Variants in MELK observed in about 807,000 individuals in gnomAD.
MELK encodes pEg3 kinase.
Under a neutral mutation model 85.0 loss-of-function variants are expected in MELK, and 81 were observed. The observed-to-expected ratio is 0.95, with a 90% CI of 0.80 to 1.15. The LOEUF is 1.15. MELK is among the 50% of genes most tolerant of loss of function. The probability of loss-of-function intolerance (pLI) is 0.00; values close to 1 mark genes in which losing one functional copy is unlikely to be tolerated. For missense variants in MELK, 754 were observed against 777.5 expected (o/e 0.97, Z 0.36); for synonymous variants, 252 against 265.0 (o/e 0.95, Z 0.48).
In MELK at chr9:36,669,294, GT is replaced by G. The variant is rs781696362; in HGVS notation, c.1409-14del. ...TATGTGCTGCATATGGATTGTGTTT[GT>G]TCTGTTTCTAATAGCTAGAAACCAG... On this transcript the variant is annotated splice_polypyrimidine_tract_variant and intron_variant, in intron 14 of 17. Coordinates refer to ENST00000298048, the MANE Select transcript of MELK (RefSeq NM_014791.4). The G allele has an allele frequency of 6.4e-7, 1 of 1,552,904 alleles. No individual in the cohort carries two copies. Among genetic ancestry groups the G allele is most frequent in the Non-Finnish European group, 8.8e-7 (1 of 1,133,828 alleles).
chr9:36,592,172 CT>C (rs35073009), intron 4 of MELK, among the ~76,000 whole-genome samples: 132 of 117,290 alleles, frequency 1.1e-3, no homozygotes, highest in Admixed American at 3.3e-3. Context: ...CATTTCTTTT[CT>C]TTTTTTTTTT....
At position 36,589,571 on chromosome 9, in the gene MELK, CT is replaced by C. The variant is rs1412495556; in HGVS notation, c.182del (p.Leu61Ter). The C allele has an allele frequency of 3.7e-6, 6 of 1,613,898 alleles. No individual in the cohort carries two copies. The highest frequency in any genetic ancestry group is 5.1e-6 in the Non-Finnish European group (6 of 1,179,994). On this transcript the variant is annotated frameshift_variant, in exon 4 of 18. Transcript: ENST00000298048. LOFTEE classifies it high-confidence loss of function. ...LPRIKTEIEA[L>X]KNLRHQHICQ... ...CCCGGATCAAAACGGAGATTGAGGC[CT>C]TGAAGAACCTGAGACATCAGCATAT...
chr9:36,671,146 G>A lies in MELK; in HGVS notation c.1654G>A (p.Asp552Asn). 1 of 1,605,596 alleles carries A rather than the reference G, an allele frequency of 6.2e-7. No individual in the cohort carries two copies. Among genetic ancestry groups the A allele is most frequent in the Non-Finnish European group, 8.5e-7 (1 of 1,175,978 alleles). The part of the protein sequence containing the change: ...TRSKRKGSAR[D>N]GPRRLKLHYN... ...GAGCAAAAGGAAGGGTTCTGCCAGA[G>A]ACGGGCCCAGAAGACTAAAGGTAAG... The change falls in exon 16 of 18, where the codon GAC (aspartate) becomes AAC (asparagine). Residue 552 changes from aspartate (D) to asparagine (N), a missense_variant. Physicochemically the swap from Asp to Asn is conservative, Grantham distance 23. Transcript: ENST00000298048.
intron 1 of MELK, among the ~76,000 whole-genome samples, chr9:36,576,995 C>T (rs1821726396): frequency 6.6e-6 from 1 of 152,130 alleles, no homozygotes; most frequent in Admixed American, 6.6e-5. Context: ...TTTAAGAAGA[C>T]TACTCATCAT....
intron 4 of MELK, 51 bp downstream of exon 4, chr9:36,589,703 G>A (rs1823331251): frequency 7.6e-7 from 1 of 1,315,412 alleles, no homozygotes; most frequent in Non-Finnish European, 1.1e-6. Context: ...TTTATCAATA[G>A]TAAAAGAGAA....
rs774510229 is a variant in MELK at position 36,624,083 on chromosome 9, CTTTTTTT to C, written c.667-6204_667-6198del. Among the ~76,000 whole-genome samples, 12 of 132,932 alleles carry C rather than the reference CTTTTTTT, an allele frequency of 9.0e-5. No individual in the cohort carries two copies. In the East Asian group the frequency reaches 2.1e-3, roughly 24 times the overall value. The allele number at this position is 132,932 out of a possible 152,430, so 87.2% of individuals were successfully genotyped here. ...TGCAGTAGGTATCGTTATTATACTT[CTTTTTTT>C]TTTTTTTTTTTGAGATGGAGTCTCG... On this transcript the variant is annotated intron_variant, in intron 8 of 17. Coordinates refer to ENST00000298048, the MANE Select transcript of MELK (RefSeq NM_014791.4).
chr9:36,604,532 C>T (rs1234024850), intron 7 of MELK, among the ~76,000 whole-genome samples: 2 of 151,682 alleles, frequency 1.3e-5, no homozygotes, highest in Non-Finnish European at 2.9e-5. Context: ...AGTGGAAGGA[C>T]TGCTTGAGTC....
At chr9:36,582,514 T>TAC (rs10691970) in intron 2 of MELK, among the ~76,000 whole-genome samples, 34,492 of 151,916 alleles carry the variant, frequency 0.23, 6,322 homozygotes, top group African/African-American at 0.51. Flanking sequence ...TGGGACATTT[T>TAC]ACACACACAT....
At chr9:36,652,820 A>G (rs192467993) in intron 12 of MELK, among the ~76,000 whole-genome samples, 52 of 151,566 alleles carry the variant, frequency 3.4e-4, no homozygotes, top group African/African-American at 1.2e-3. Context: ...CCTGTGGAGG[A>G]TGTAGTTAAT....
chr9:36,621,838 A>C (rs908252194), intron 8 of MELK, among the ~76,000 whole-genome samples: 3 of 152,224 alleles, frequency 2.0e-5, no homozygotes, highest in Non-Finnish European at 4.4e-5. Flanking sequence ...TAAAAGGTGA[A>C]TGTACCAACA....
At chr9:36,666,847 CTGTGTTTG>C (rs761879141) in intron 14 of MELK, among the ~76,000 whole-genome samples, 4 of 114,140 alleles carry the variant, frequency 3.5e-5, no homozygotes, top group African/African-American at 1.3e-4. Flanking sequence ...CTGATGATGT[CTGTGTTTG>C]TGTGTGTGTG....
intron 8 of MELK, among the ~76,000 whole-genome samples, chr9:36,615,675 C>T (rs1256388833): frequency 5.0e-5 from 7 of 140,410 alleles, no homozygotes; most frequent in Non-Finnish European, 9.1e-5. Context: ...ACCTCCCAGA[C>T]GGGGTCTCGG....
Position 36,572,924 on chromosome 9 carries a change from A to C in MELK, c.-122A>C, listed in dbSNP as rs73436949. The C allele has an allele frequency of 2.6e-5, 4 of 152,038 alleles. No homozygotes were observed. The highest frequency in any genetic ancestry group is 5.9e-5 in the Non-Finnish European group (4 of 68,008). The allele number at this position is 152,038 out of a possible 1,614,324, so 9.4% of individuals were successfully genotyped here. A position where few individuals can be genotyped will look rare whatever the true frequency, so the allele number is the denominator to read the frequency against. ...CCCGGCGATCGAAAAGATTCTTAGG[A>C]ACGCCGTACCAGCCGCGTCTCTCAG... On this transcript the variant is annotated 5_prime_UTR_variant, in exon 1 of 18. Coordinates refer to ENST00000298048, the MANE Select transcript of MELK (RefSeq NM_014791.4).
intron 14 of MELK, among the ~76,000 whole-genome samples, chr9:36,666,847 CTGTGTTTGTGTGTGTGTGTG>C (rs1372034624): frequency 1.8e-5 from 2 of 114,022 alleles, no homozygotes; most frequent in Non-Finnish European, 3.7e-5. Context: ...CTGATGATGT[CTGTGTTTGTGTGTGTGTGTG>C]TGTGTGTGTG....
chr9:36,598,300 C>T (rs1824517277), intron 6 of MELK, among the ~76,000 whole-genome samples: 1 of 152,010 alleles, frequency 6.6e-6, no homozygotes, highest in Admixed American at 6.6e-5. Context: ...GTGACAGACC[C>T]TGTGAGCCTT....
At chr9:36,639,407 G>A (rs996961598) in intron 10 of MELK, among the ~76,000 whole-genome samples, 2 of 152,120 alleles carry the variant, frequency 1.3e-5, no homozygotes, top group Non-Finnish European at 2.9e-5. Context: ...AATATTTAAG[G>A]TATAGATGCT....
chr9:36,604,704 C>T (rs371280552), intron 7 of MELK, among the ~76,000 whole-genome samples: 72 of 151,334 alleles, frequency 4.8e-4, no homozygotes, highest in African/African-American at 1.6e-3. Flanking sequence ...AGTGCAATGG[C>T]GTGATCTTGG....
intron 8 of MELK, 78 bp downstream of exon 8, chr9:36,607,751 C>A: frequency 3.0e-6 from 3 of 1,002,842 alleles, no homozygotes; most frequent in Non-Finnish European, 4.6e-6. Context: ...CATAAATGTA[C>A]AAAAACAGGC....
intron 12 of MELK, among the ~76,000 whole-genome samples, chr9:36,652,345 C>T (rs1344292558): frequency 6.6e-6 from 1 of 151,638 alleles, no homozygotes; most frequent in Non-Finnish European, 1.5e-5. Context: ...CCGTGCCCGG[C>T]CTCTAAAATT....
Sources: allele counts gnomAD v4.1 joint callset (sites outside exome capture counted in the v4.1 genomes callset), GRCh38; gene constraint gnomAD v4.1.1; transcripts MANE v1.5; gene names NCBI Gene and HGNC (gene_info 2026-07-23, HGNC 2026-07-21).